CHST13: variants seen among roughly 807,000 people sequenced by gnomAD.
The protein encoded by CHST13 is C4ST-3.
In CHST13, 1 loss-of-function variant was observed where a neutral mutation model predicts 7.0. The observed-to-expected ratio is 0.14, with a 90% CI of 0.05 to 0.68. The LOEUF is 0.68. Among genes scored for constraint, CHST13 ranks in the 30% least tolerant of loss-of-function variants. The probability of loss-of-function intolerance (pLI) is 0.82; values close to 1 mark genes in which losing one functional copy is unlikely to be tolerated. For missense variants in CHST13, 572 were observed against 507.9 expected (o/e 1.13, Z -1.21); for synonymous variants, 257 against 240.9 (o/e 1.07, Z -0.62).
At chr3:126,539,547 C>T (rs1367623151) in intron 2 of CHST13, among the ~76,000 whole-genome samples, 31 of 129,642 alleles carry the variant, frequency 2.4e-4, no homozygotes, top group African/African-American at 7.7e-4. Flanking sequence ...CCACACACAC[C>T]GCACACACAC....
At chr3:126,540,591 T>G (rs770536929) in intron 2 of CHST13, among the ~76,000 whole-genome samples, 15 of 152,250 alleles carry the variant, frequency 9.9e-5, no homozygotes, top group Non-Finnish European at 2.2e-4. Flanking sequence ...CTGAGTCATA[T>G]TCCATTGCAT....
chr3:126,539,678 ACCACAGACACC>A, intron 2 of CHST13, among the ~76,000 whole-genome samples: 3 of 122,016 alleles, frequency 2.5e-5, no homozygotes, highest in Non-Finnish European at 3.5e-5. Flanking sequence ...CAGCACATAC[ACCACAGACACC>A]ACACACACAC....
At chr3:126,533,565 G>A (rs185693267) in intron 1 of CHST13, among the ~76,000 whole-genome samples, 2 of 152,232 alleles carry the variant, frequency 1.3e-5, no homozygotes, top group Admixed American at 6.5e-5. Flanking sequence ...GCATTCCTGG[G>A]ATCCATCCTA....
intron 1 of CHST13, among the ~76,000 whole-genome samples, chr3:126,534,521 T>C (rs1936723193): frequency 6.6e-6 from 1 of 150,876 alleles, no homozygotes; most frequent in Non-Finnish European, 1.5e-5. Context: ...ACAGCATCCC[T>C]GTCCTCAGCC....
chr3:126,542,620 C>A lies in CHST13; in HGVS notation c.*42C>A, dbSNP rs1197571874. On this transcript the variant is annotated 3_prime_UTR_variant, in exon 3 of 3. Coordinates refer to ENST00000319340, the MANE Select transcript of CHST13 (RefSeq NM_152889.3). ...GTGGCCACGCGGGGCAAGTGCCTTT[C>A]CGACAAGACCCCCGGGGAATGCAGG... is the stretch of plus-strand genomic sequence containing the variant. 4.9e-6 allele frequency: 7 copies of A among 1,430,018 alleles called. No homozygotes were observed. The East Asian group carries it at 1.1e-4, about 23-fold the overall frequency. 88.6% of individuals were successfully genotyped at this position (1,430,018 alleles called of 1,614,324 possible). A position where few individuals can be genotyped will look rare whatever the true frequency, so the allele number is the denominator to read the frequency against.
chr3:126,536,753 G>A (rs575118639), intron 2 of CHST13, among the ~76,000 whole-genome samples: 4 of 151,842 alleles, frequency 2.6e-5, no homozygotes, highest in South Asian at 2.1e-4. Context: ...TGGACCAGGC[G>A]GGGCTGGCTG....
chr3:126,526,885 A>T (rs1373560318), intron 1 of CHST13: 1 of 152,328 alleles, frequency 6.6e-6, no homozygotes, highest in Non-Finnish European at 1.5e-5. Context: ...TTGCCTGGGC[A>T]TGGTGACCAT....
intron 1 of CHST13, among the ~76,000 whole-genome samples, chr3:126,531,158 C>A (rs376619464): frequency 6.6e-6 from 1 of 152,268 alleles, no homozygotes; most frequent in Non-Finnish European, 1.5e-5. Flanking sequence ...GACCAGCAGC[C>A]GCAGCCTCAC....
At chr3:126,540,863 C>A (rs1428505579) in intron 2 of CHST13, among the ~76,000 whole-genome samples, 1 of 152,226 alleles carries the variant, frequency 6.6e-6, no homozygotes, top group African/African-American at 2.4e-5. Context: ...ACATCCTCAC[C>A]AATTCCTAAT....
intron 1 of CHST13, chr3:126,529,283 G>A (rs1159225021): frequency 7.8e-7 from 1 of 1,275,518 alleles, no homozygotes; most frequent in African/African-American, 1.5e-5. Context: ...TGTCCTGTGT[G>A]CAGCAATCGC....
At chr3:126,531,596 T>G (rs11918048) in intron 1 of CHST13, among the ~76,000 whole-genome samples, 12,970 of 152,304 alleles carry the variant, frequency 0.085, 745 homozygotes, top group Middle Eastern at 0.2. Context: ...TCCTTTCACT[T>G]AACATAACGT....
chr3:126,535,074 TCCCTGTCCC>T, intron 1 of CHST13, among the ~76,000 whole-genome samples: 2 of 133,464 alleles, frequency 1.5e-5, no homozygotes, highest in South Asian at 2.5e-4. Context: ...ACAGACAGCA[TCCCTGTCCC>T]CAGCCGGGAG....
intron 1 of CHST13, among the ~76,000 whole-genome samples, chr3:126,530,626 C>T (rs994949715): frequency 6.6e-6 from 1 of 152,260 alleles, no homozygotes; most frequent in Non-Finnish European, 1.5e-5. Context: ...GTGGCACCAG[C>T]GGAGCTCCCC....
chr3:126,541,710 G>C lies in CHST13; in HGVS notation c.181-23G>C, dbSNP rs576908435. On this transcript the variant is annotated intron_variant, in intron 2 of 2. Coordinates refer to ENST00000319340, the MANE Select transcript of CHST13 (RefSeq NM_152889.3). ...CCGCGCTGCCCTGACGCGTCCCCCT[G>C]TCCCGTCTCCTGTCGCCCACAGGAC... 2.1e-5 allele frequency: 30 copies of C among 1,433,020 alleles called. No homozygotes were observed. The African/African-American group carries it at 4.2e-4, about 20-fold the overall frequency. 88.8% of individuals were successfully genotyped at this position (1,433,020 alleles called of 1,614,324 possible).
chr3:126,542,201 C>G lies in CHST13; in HGVS notation c.649C>G (p.Arg217Gly). 6.9e-7 allele frequency: 1 copy of G among 1,445,382 alleles called. No individual in the cohort carries two copies. Among genetic ancestry groups the G allele is most frequent in the South Asian group, 1.4e-5 (1 of 73,526 alleles). The allele number at this position is 1,445,382 out of a possible 1,614,324, so 89.5% of individuals were successfully genotyped here. The change falls in exon 3 of 3, where the codon CGG (arginine) becomes GGG (glycine). Residue 217 changes from arginine to glycine, a missense_variant. Arg to Gly is a moderately radical substitution (Grantham distance 125). Coordinates refer to ENST00000319340, the MANE Select transcript of CHST13 (RefSeq NM_152889.3). ...RLRPRALPDA[R>G]ARGHDVRFAE... ...GCGGCCGCGCGCGCTCCCCGACGCC[C>G]GGGCCCGCGGCCACGACGTGCGCTT...
chr3:126,539,806 CACACACCACAA>C, intron 2 of CHST13, among the ~76,000 whole-genome samples: 1 of 103,778 alleles, frequency 9.6e-6, no homozygotes, highest in African/African-American at 4.3e-5. Context: ...GACACCACAC[CACACACCACAA>C]ACACACATAC....
intron 2 of CHST13, among the ~76,000 whole-genome samples, chr3:126,540,082 G>A (rs1047115290): frequency 4.0e-5 from 6 of 149,270 alleles, no homozygotes; most frequent in Admixed American, 2.0e-4. Context: ...CACCACACGC[G>A]TGCACCACAC....
At chr3:126,525,166 G>T (rs1008711665) in intron 1 of CHST13, among the ~76,000 whole-genome samples, 2 of 152,192 alleles carry the variant, frequency 1.3e-5, no homozygotes, top group African/African-American at 4.8e-5. Flanking sequence ...CCCAGCCAGC[G>T]CCCGGGTCTC....
In CHST13 at chr3:126,541,796, A is replaced by G. The variant is rs774580925; in HGVS notation, c.244A>G (p.Ser82Gly). The G allele has an allele frequency of 6.5e-6, 10 of 1,545,400 alleles. No homozygotes were observed. The highest frequency in any genetic ancestry group is 5.6e-5 in the African/African-American group (4 of 71,934). The change falls in exon 3 of 3, where the codon AGC becomes GGC. Residue 82 changes from serine (S) to glycine (G), a missense_variant. Coordinates refer to ENST00000319340, the MANE Select transcript of CHST13 (RefSeq NM_152889.3). ...GCGCGACCTGCTGAACAGCGCCTGT[A>G]GCCGCCACTCACGCCGGCAGCGCCT... is the stretch of plus-strand genomic sequence containing the variant. Reference protein sequence around the residue: ...QRRDLLNSACSRHSRRQRLLQ... With the variant: ...QRRDLLNSACGRHSRRQRLLQ...
Sources: gnomAD v4.1 joint callset for allele counts (sites outside exome capture counted in the v4.1 genomes callset) on GRCh38, gnomAD v4.1.1 for gene constraint, MANE v1.5 for transcripts, NCBI Gene and HGNC (gene_info 2026-07-23, HGNC 2026-07-21) for gene names.